The following PTPRD variants were observed in gnomAD, a reference collection of about 807,000 sequenced individuals.
PTPRD encodes the protein protein tyrosine phosphatase receptor type D.
PTPRD carries 34 observed loss-of-function variants against 214.5 expected under a neutral mutation model. The ratio of observed to expected loss-of-function variants is 0.16; its 90% CI spans 0.12 to 0.21. The LOEUF (loss-of-function observed/expected upper bound fraction) is 0.21, where lower values mean the gene tolerates loss of function less well. Ranked by LOEUF, PTPRD falls within the 10% of genes least tolerant of loss-of-function variation. The pLI is 1.00. For synonymous variants in PTPRD, 1,128 were observed against 845.7 expected, an observed-to-expected ratio of 1.33 and a Z score of -5.79; for missense variants, 2,545 against 2,398.7, an observed-to-expected ratio of 1.06 and a Z score of -1.27.
intron 11 of PTPRD, among the ~76,000 whole-genome samples, chr9:8,923,978 G>A (rs1223836733): frequency 6.6e-6 from 1 of 152,130 alleles, no homozygotes; most frequent in African/African-American, 2.4e-5. Flanking sequence ...CATTTACATA[G>A]CTAAAAAGAT....
chr9:10,188,885 A>G (rs1418783157), intron 3 of PTPRD, among the ~76,000 whole-genome samples: 1 of 152,166 alleles, frequency 6.6e-6, no homozygotes, highest in African/African-American at 2.4e-5. Context: ...GCTTAACACA[A>G]TAATTGTATG....
intron 11 of PTPRD, among the ~76,000 whole-genome samples, chr9:8,849,881 G>A (rs1204836205): frequency 2.0e-5 from 3 of 152,160 alleles, no homozygotes; most frequent in African/African-American, 2.4e-5. Flanking sequence ...CAAAAATTAG[G>A]AAGACTCAAA....
rs911767878 is a variant in PTPRD at position 10,238,582 on chromosome 9, G to A, written c.-545+102381C>T. Among the ~76,000 whole-genome samples the A allele has an allele frequency of 9.9e-5, 15 of 151,818 alleles. No homozygotes were observed. In the East Asian group the frequency reaches 1.2e-3, roughly 12 times the overall value. ...TATTTTGATGTTGACTTTAGCTATC[G>A]AAAGCATATACTTTTCCTTAAATGT... On this transcript the variant is annotated intron_variant, in intron 3 of 45. Coordinates refer to ENST00000381196, the MANE Select transcript of PTPRD (RefSeq NM_002839.4).
At chr9:10,119,835 A>T (rs2098760846) in intron 3 of PTPRD, among the ~76,000 whole-genome samples, 1 of 152,052 alleles carries the variant, frequency 6.6e-6, no homozygotes, top group African/African-American at 2.4e-5. Context: ...TAGCTCCGAG[A>T]TAATGAGAGG....
rs577269866 is a variant in PTPRD at position 9,000,803 on chromosome 9, A to G, written c.-104+17894T>C. ...ATGGGTGTATTATGAAGAAAGCTTAACCTGAAGAGACCCTCTATAACAATA... is the reference window on the plus strand; with the variant it reads ...ATGGGTGTATTATGAAGAAAGCTTAGCCTGAAGAGACCCTCTATAACAATA... On this transcript the variant is annotated intron_variant, in intron 11 of 45. Coordinates refer to ENST00000381196, the MANE Select transcript of PTPRD (RefSeq NM_002839.4). Among the ~76,000 whole-genome samples, 5 of 152,088 alleles carry G rather than the reference A, an allele frequency of 3.3e-5. No homozygotes were observed. In the East Asian group the frequency reaches 9.7e-4, roughly 30 times the overall value.
chr9:9,024,573 C>G (rs1158098563), intron 10 of PTPRD, among the ~76,000 whole-genome samples: 1 of 151,542 alleles, frequency 6.6e-6, no homozygotes, highest in Non-Finnish European at 1.5e-5. Context: ...CTTCTCCACA[C>G]TGAAGCTAAT....
chr9:9,775,757 C>A (rs1260354727), intron 5 of PTPRD, among the ~76,000 whole-genome samples: 2 of 152,082 alleles, frequency 1.3e-5, no homozygotes, highest in Admixed American at 6.5e-5. Flanking sequence ...TCCTGGCTAA[C>A]ACGGTGAAAC....
chr9:9,082,481 A>C (rs2099760696), intron 10 of PTPRD, among the ~76,000 whole-genome samples: 2 of 152,134 alleles, frequency 1.3e-5, no homozygotes, highest in South Asian at 4.1e-4. Flanking sequence ...TTTATGACAA[A>C]CCTAAGACAC....
intron 3 of PTPRD, among the ~76,000 whole-genome samples, chr9:10,129,969 C>A (rs2098847254): frequency 6.6e-6 from 1 of 151,976 alleles, no homozygotes. Context: ...CACAGTATGA[C>A]TTTTATGCTG....
intron 11 of PTPRD, chr9:8,857,732 C>T: frequency 6.4e-6 from 1 of 156,166 alleles, no homozygotes; most frequent in Non-Finnish European, 1.4e-5. Context: ...ACGGCCGCGC[C>T]GCCGCCTCCG....
rs1555537783 is a variant in PTPRD at position 10,065,141 on chromosome 9, T to TAGAAAGCAAGAAAGAAAGAA, written c.-544-31352_-544-31351insTTCTTTCTTTCTTGCTTTCT. The stretch of plus-strand genomic sequence containing the variant: ...CCTAATACTTTGTTGTGACTTGGAT[T>TAGAAAGCAAGAAAGAAAGAA]AGAAAGAAAGAAAGAAAGAAAGAAA... On this transcript the variant is annotated intron_variant, in intron 3 of 45. Coordinates refer to ENST00000381196, the MANE Select transcript of PTPRD (RefSeq NM_002839.4). 3.7e-5 allele frequency among the ~76,000 whole-genome samples: 4 copies of TAGAAAGCAAGAAAGAAAGAA among 106,844 alleles called. No individual in the cohort carries two copies. In the East Asian group the frequency reaches 1.1e-3, roughly 30 times the overall value. 70.1% of individuals were successfully genotyped at this position (106,844 alleles called of 152,430 possible).
chr9:8,963,450 AC>A, intron 11 of PTPRD, among the ~76,000 whole-genome samples: 1 of 152,142 alleles, frequency 6.6e-6, no homozygotes, highest in Non-Finnish European at 1.5e-5. Flanking sequence ...ACAGAAAAAA[AC>A]ATAAACAAAA....
intron 9 of PTPRD, among the ~76,000 whole-genome samples, chr9:9,360,913 C>T (rs1201517759): frequency 2.7e-5 from 4 of 150,872 alleles, no homozygotes; most frequent in African/African-American, 9.7e-5. Flanking sequence ...AGCACTGAAG[C>T]CAGATGTGTA....
At chr9:8,336,039 T>C (rs1344595907) in intron 43 of PTPRD, among the ~76,000 whole-genome samples, 1 of 151,724 alleles carries the variant, frequency 6.6e-6, no homozygotes, top group East Asian at 1.9e-4. Flanking sequence ...CTGCCCAAGG[T>C]AATTTATAGA....
At chr9:10,562,162 A>G (rs1228850966) in intron 2 of PTPRD, among the ~76,000 whole-genome samples, 2 of 152,044 alleles carry the variant, frequency 1.3e-5, no homozygotes, top group African/African-American at 4.8e-5. Context: ...ATATCCAAGA[A>G]CCTGAAGATG....
intron 2 of PTPRD, among the ~76,000 whole-genome samples, chr9:10,455,564 CAGT>C (rs2098906544): frequency 6.6e-6 from 1 of 151,658 alleles, no homozygotes; most frequent in African/African-American, 2.4e-5. Context: ...TTTTGCTTTA[CAGT>C]AGTTTTTAAT....
chr9:9,133,343 C>T (rs923781427), intron 10 of PTPRD, among the ~76,000 whole-genome samples: 3 of 152,080 alleles, frequency 2.0e-5, no homozygotes, highest in Non-Finnish European at 1.5e-5. Flanking sequence ...ATAACCTGCT[C>T]CCCGGGGACA....
intron 7 of PTPRD, among the ~76,000 whole-genome samples, chr9:9,623,218 C>T (rs184043720): frequency 3.9e-5 from 6 of 152,268 alleles, no homozygotes; most frequent in South Asian, 2.1e-4. Context: ...TTACTAGCAT[C>T]TCCTTTGTAT....
chr9:10,573,202 C>T lies in PTPRD; in HGVS notation c.-600+39196G>A, dbSNP rs10959174. ...ATTTAGAAATATGTGCTAATTTCACCAAAAGAATTAATCTTATTTTATATC... is the reference window on the plus strand; with the variant it reads ...ATTTAGAAATATGTGCTAATTTCACTAAAAGAATTAATCTTATTTTATATC... On this transcript the variant is annotated intron_variant, in intron 2 of 45. Transcript: ENST00000381196. Among the ~76,000 whole-genome samples, 1,118 of 152,170 alleles carry T rather than the reference C, an allele frequency of 7.3e-3. 82 individuals are homozygous for T. In the East Asian group the frequency reaches 0.17, roughly 23 times the overall value.
Sources: allele counts gnomAD v4.1 joint callset (sites outside exome capture counted in the v4.1 genomes callset), GRCh38; gene constraint gnomAD v4.1.1; transcripts MANE v1.5; gene names NCBI Gene and HGNC (gene_info 2026-07-23, HGNC 2026-07-21).